Variants in NRG1 observed in about 807,000 individuals in gnomAD.
NRG1 encodes pro-neuregulin-1, membrane-bound isoform.
A neutral mutation model predicts 63.8 loss-of-function variants in NRG1; 18 were observed. That is an observed-to-expected ratio of 0.28 (90% CI 0.19 to 0.42). NRG1 has a LOEUF of 0.42. Among genes scored for constraint, NRG1 ranks in the 10% least tolerant of loss-of-function variants. NRG1 has a pLI of 1.00. For missense variants in NRG1, 762 were observed against 814.7 expected, an observed-to-expected ratio of 0.94 and a Z score of 0.79; for synonymous variants, 302 against 301.3, an observed-to-expected ratio of 1.00 and a Z score of -0.02.
At chr8:31,729,606 C>T (rs1350776059) in intron 1 of NRG1, among the ~76,000 whole-genome samples, 1 of 151,814 alleles carries the variant, frequency 6.6e-6, no homozygotes, top group African/African-American at 2.4e-5. Context: ...GAAAAAGGCC[C>T]AGAAAAAAAA....
chr8:32,221,262 T>C (rs1422811922), intron 1 of NRG1: 1 of 152,220 alleles, frequency 6.6e-6, no homozygotes, highest in African/African-American at 2.4e-5. Context: ...ATGCAATGTT[T>C]AGCTAGCATG....
At chr8:31,844,458 A>G (rs950401421) in intron 1 of NRG1, among the ~76,000 whole-genome samples, 1 of 152,200 alleles carries the variant, frequency 6.6e-6, no homozygotes, top group East Asian at 1.9e-4. Flanking sequence ...GTAGAAGCTC[A>G]TGGAACTCAA....
At chr8:32,133,043 A>C (rs1156799638) in intron 1 of NRG1, among the ~76,000 whole-genome samples, 1 of 149,192 alleles carries the variant, frequency 6.7e-6, no homozygotes, top group African/African-American at 2.5e-5. Context: ...CTATGAAGAG[A>C]CTGTTCTAAA....
chr8:31,766,054 C>T (rs986314440), intron 1 of NRG1, among the ~76,000 whole-genome samples: 4 of 151,964 alleles, frequency 2.6e-5, no homozygotes, highest in Non-Finnish European at 5.9e-5. Context: ...GTATATTTCC[C>T]TAGAGAACAC....
intron 1 of NRG1, among the ~76,000 whole-genome samples, chr8:32,549,277 C>T (rs1833660331): frequency 6.6e-6 from 1 of 152,238 alleles, no homozygotes. Context: ...GAGCCGGTCC[C>T]CTCGGTGTGC....
At chr8:32,586,152 A>G (rs1258670411) in intron 1 of NRG1, among the ~76,000 whole-genome samples, 1 of 42,020 alleles carries the variant, frequency 2.4e-5, no homozygotes, top group Non-Finnish European at 5.1e-5. Flanking sequence ...TTTATTGTTG[A>G]AAGTACTATA....
chr8:32,611,510 A>C (rs1158530867), intron 3 of NRG1, among the ~76,000 whole-genome samples: 11 of 152,120 alleles, frequency 7.2e-5, no homozygotes, highest in Admixed American at 7.2e-4. Context: ...ACATGAGAAC[A>C]ATATGAAAGC....
intron 1 of NRG1, among the ~76,000 whole-genome samples, chr8:32,317,392 T>C (rs969721767): frequency 1.3e-5 from 2 of 152,216 alleles, no homozygotes; most frequent in African/African-American, 4.8e-5. Context: ...AATATGTTTC[T>C]TTCTTTTGGG....
intron 1 of NRG1, among the ~76,000 whole-genome samples, chr8:32,129,438 G>A (rs1834519720): frequency 6.6e-6 from 1 of 151,826 alleles, no homozygotes; most frequent in Non-Finnish European, 1.5e-5. Flanking sequence ...TGCCTTTGTT[G>A]TCATATAGCA....
intron 1 of NRG1, chr8:32,136,631 T>G (rs954987859): frequency 1.3e-5 from 2 of 152,196 alleles, no homozygotes; most frequent in African/African-American, 4.8e-5. Context: ...AGATATTTAA[T>G]AAGAATGCCT....
chr8:32,191,178 G>A (rs1438714721), intron 1 of NRG1, among the ~76,000 whole-genome samples: 1 of 151,796 alleles, frequency 6.6e-6, no homozygotes, highest in Non-Finnish European at 1.5e-5. Context: ...TCTGGCTCAT[G>A]GATTCAAGAG....
At chr8:32,247,306 T>A (rs1292230947) in intron 1 of NRG1, among the ~76,000 whole-genome samples, 1 of 152,090 alleles carries the variant, frequency 6.6e-6, no homozygotes, top group Non-Finnish European at 1.5e-5. Flanking sequence ...TCTCTAGGAA[T>A]TTTCCATACA....
intron 1 of NRG1, among the ~76,000 whole-genome samples, chr8:31,728,592 TG>T (rs139217704): frequency 0.01 from 1,583 of 152,300 alleles, 23 homozygotes; most frequent in Middle Eastern, 0.024. Context: ...GGTGCATCAA[TG>T]TATGAAAGCT....
intron 5 of NRG1, among the ~76,000 whole-genome samples, chr8:32,710,876 G>C (rs1036567443): frequency 2.0e-5 from 3 of 152,132 alleles, no homozygotes; most frequent in Non-Finnish European, 2.9e-5. Context: ...AGATAATATA[G>C]ACAGAGCGTT....
chr8:31,805,430 A>C (rs1199641531), intron 1 of NRG1, among the ~76,000 whole-genome samples: 1 of 152,140 alleles, frequency 6.6e-6, no homozygotes, highest in Non-Finnish European at 1.5e-5. Flanking sequence ...TAGAGTAGAT[A>C]ATTATTATGG....
At chr8:32,216,572 T>C (rs1052541374) in intron 1 of NRG1, among the ~76,000 whole-genome samples, 20 of 149,964 alleles carry the variant, frequency 1.3e-4, no homozygotes, top group Non-Finnish European at 2.7e-4. Context: ...ATAAAAATAA[T>C]TACCATTCCA....
intron 1 of NRG1, among the ~76,000 whole-genome samples, chr8:31,660,120 T>C (rs1336261727): frequency 6.6e-6 from 1 of 152,182 alleles, no homozygotes; most frequent in Non-Finnish European, 1.5e-5. Context: ...AAACGCAACG[T>C]ATGTGACAGC....
At chr8:32,637,054 G>A (rs1183417358) in intron 5 of NRG1, among the ~76,000 whole-genome samples, 2 of 152,024 alleles carry the variant, frequency 1.3e-5, no homozygotes, top group Non-Finnish European at 2.9e-5. Flanking sequence ...TTTCATATAT[G>A]AACCCAGAAA....
At position 32,756,317 on chromosome 8, in the gene NRG1, C is replaced by G; in HGVS notation, c.795-86C>G. The G allele has an allele frequency of 4.7e-6, 7 of 1,492,484 alleles. No homozygotes were observed. In the Admixed American group the frequency reaches 5.8e-5, roughly 12 times the overall value. 92.5% of individuals were successfully genotyped at this position (1,492,484 alleles called of 1,614,324 possible). A position where few individuals can be genotyped will look rare whatever the true frequency, so the allele number is the denominator to read the frequency against. ...CACCAGTCTACTGCCTTGAACTACTCATAGGTGTTGGTAGAATAAAGACTT... is the reference window on the plus strand; with the variant it reads ...CACCAGTCTACTGCCTTGAACTACTGATAGGTGTTGGTAGAATAAAGACTT... On this transcript the variant is annotated intron_variant, in intron 8 of 11. Coordinates refer to ENST00000356819, the Ensembl canonical transcript of NRG1.
Sources: allele counts gnomAD v4.1 joint callset (sites outside exome capture counted in the v4.1 genomes callset), GRCh38; gene constraint gnomAD v4.1.1; transcripts MANE v1.5; gene names NCBI Gene and HGNC (gene_info 2026-07-23, HGNC 2026-07-21).